RASGEF1A: variants seen among roughly 807,000 people sequenced by gnomAD.
The protein encoded by RASGEF1A is RasGEF domain family member 1A, also known as ras-GEF domain-containing family member 1A.
RASGEF1A carries 18 observed loss-of-function variants against 56.4 expected under a neutral mutation model. That is an observed-to-expected ratio of 0.32 (90% CI 0.22 to 0.47). The LOEUF (loss-of-function observed/expected upper bound fraction) is 0.47. Among genes scored for constraint, RASGEF1A ranks in the 20% least tolerant of loss-of-function variants. RASGEF1A has a pLI of 1.00. For synonymous variants in RASGEF1A, 245 were observed against 242.6 expected, an observed-to-expected ratio of 1.01 and a Z score of -0.09; for missense variants, 422 against 627.1, an observed-to-expected ratio of 0.67 and a Z score of 3.49.
intron 1 of RASGEF1A, among the ~76,000 whole-genome samples, chr10:43,258,488 T>G (rs1192264290): frequency 2.0e-5 from 3 of 152,188 alleles, no homozygotes; most frequent in African/African-American, 7.2e-5. Context: ...CATCTGCCAC[T>G]CTGCGCTTGA....
chr10:43,223,448 G>A (rs756421759), intron 1 of RASGEF1A, among the ~76,000 whole-genome samples: 14 of 152,140 alleles, frequency 9.2e-5, no homozygotes, highest in Non-Finnish European at 1.3e-4. Context: ...AACCTTTATA[G>A]GAAAACTCTG....
intron 1 of RASGEF1A, among the ~76,000 whole-genome samples, chr10:43,223,196 A>C (rs978787927): frequency 1.3e-5 from 2 of 152,202 alleles, no homozygotes; most frequent in African/African-American, 4.8e-5. Context: ...AACTGTGTCT[A>C]GAAACAGAAA....
At chr10:43,257,017 C>T (rs1836426435) in intron 1 of RASGEF1A, among the ~76,000 whole-genome samples, 1 of 152,144 alleles carries the variant, frequency 6.6e-6, no homozygotes. Flanking sequence ...TGTCTGCACT[C>T]CCAGAGTCTG....
chr10:43,223,272 A>G (rs1840232952), intron 1 of RASGEF1A, among the ~76,000 whole-genome samples: 1 of 152,230 alleles, frequency 6.6e-6, no homozygotes, highest in African/African-American at 2.4e-5. Context: ...GAAACCCAGT[A>G]AAGTCCCCAA....
chr10:43,240,061 C>T (rs1283988072), intron 1 of RASGEF1A, among the ~76,000 whole-genome samples: 2 of 152,218 alleles, frequency 1.3e-5, no homozygotes, highest in East Asian at 1.9e-4. Flanking sequence ...TAAGCACTCA[C>T]TTCTGGCTGA....
chr10:43,259,827 G>A (rs1836494496), intron 1 of RASGEF1A, among the ~76,000 whole-genome samples: 1 of 152,094 alleles, frequency 6.6e-6, no homozygotes, highest in Non-Finnish European at 1.5e-5. Context: ...CCCAAGGTGG[G>A]AGTGTGCATT....
chr10:43,263,232 G>A (rs887949267), intron 1 of RASGEF1A, among the ~76,000 whole-genome samples: 1 of 152,036 alleles, frequency 6.6e-6, no homozygotes, highest in African/African-American at 2.4e-5. Flanking sequence ...GAGAACCAGG[G>A]GCCGGCCAAG....
intron 1 of RASGEF1A, chr10:43,207,312 C>A (rs1840009308): frequency 1.0e-6 from 1 of 985,220 alleles, no homozygotes; most frequent in Non-Finnish European, 1.2e-6. Flanking sequence ...TACTTCAGTG[C>A]CATGACAGGA....
At chr10:43,258,302 C>G (rs1836462957) in intron 1 of RASGEF1A, among the ~76,000 whole-genome samples, 1 of 152,176 alleles carries the variant, frequency 6.6e-6, no homozygotes, top group Non-Finnish European at 1.5e-5. Context: ...GCGGGAGGAC[C>G]CCATGGCTGG....
chr10:43,196,240 C>T lies in RASGEF1A; in HGVS notation c.*4G>A, dbSNP rs111686790. ...TTCCTCTGGCGTCGCGGGCTGCATC[C>T]GCCTCAGGCTCTGTTCAGAAGGGTG... is the stretch of plus-strand genomic sequence containing the variant. On this transcript the variant is annotated 3_prime_UTR_variant, in exon 13 of 13. Transcript: ENST00000395810. This position sits in a 1 kb window ranked among gnomAD's most constrained non-coding sequence, Gnocchi z 4.6. 173 of 1,612,664 alleles carry T rather than the reference C, an allele frequency of 1.1e-4. No individual in the cohort carries two copies. The highest frequency in any genetic ancestry group is 1.3e-4 in the African/African-American group (10 of 74,910).
intron 1 of RASGEF1A, among the ~76,000 whole-genome samples, chr10:43,216,217 G>A (rs1007473963): frequency 3.3e-5 from 5 of 152,174 alleles, no homozygotes; most frequent in East Asian, 3.9e-4. Context: ...CCAGCACCCC[G>A]GGCACATCCC....
At chr10:43,239,191 G>T (rs924479794) in intron 1 of RASGEF1A, among the ~76,000 whole-genome samples, 1 of 152,176 alleles carries the variant, frequency 6.6e-6, no homozygotes, top group Admixed American at 6.5e-5. Flanking sequence ...AAGACACCAA[G>T]GTGCTTTACA....
intron 1 of RASGEF1A, among the ~76,000 whole-genome samples, chr10:43,238,232 T>C (rs1455568772): frequency 3.3e-5 from 5 of 151,992 alleles, no homozygotes; most frequent in Admixed American, 6.5e-5. Context: ...GGCTAGTTTA[T>C]GTGTGCCTAC....
rs2133189729 is a variant in RASGEF1A, at chr10:43,206,059, C to T, written c.58G>A (p.Val20Met). The change falls in exon 2 of 13, where the codon GTG becomes ATG. Residue 20 changes from valine (V) to methionine (M), a missense_variant. Around this residue, in one of 2 missense-constraint regions of RASGEF1A, gnomAD observed 273 missense variants for 339.9 expected, o/e 0.80. Transcript: ENST00000395810. ...SILGPSCSGQ[V>M]QPGMGERGGG... is the part of the protein sequence containing the mutation. ...CCACGCTCCCCCATGCCAGGCTGCA[C>T]CTGTCCGCTACAGCTGGGCCCAAGG... The T allele has an allele frequency of 1.2e-6, 2 of 1,607,632 alleles. No homozygotes were observed. Among genetic ancestry groups the T allele is most frequent in the South Asian group, 2.2e-5 (2 of 90,000 alleles).
intron 1 of RASGEF1A, among the ~76,000 whole-genome samples, chr10:43,213,616 T>C (rs1443267314): frequency 6.6e-6 from 1 of 152,122 alleles, no homozygotes; most frequent in Non-Finnish European, 1.5e-5. Flanking sequence ...TTCAAGGACG[T>C]TGGAGAGTTT....
intron 1 of RASGEF1A, among the ~76,000 whole-genome samples, chr10:43,206,476 C>A (rs1268182731): frequency 1.3e-5 from 2 of 152,212 alleles, no homozygotes; most frequent in Non-Finnish European, 2.9e-5. Flanking sequence ...GGGCTGTGAA[C>A]AACTGATGGG....
chr10:43,216,456 G>A (rs761829910), intron 1 of RASGEF1A, among the ~76,000 whole-genome samples: 4 of 152,236 alleles, frequency 2.6e-5, no homozygotes, highest in Non-Finnish European at 4.4e-5. Flanking sequence ...GGAGTCAGGC[G>A]CAATTTGTAA....
At chr10:43,214,347 G>T (rs1046680290) in intron 1 of RASGEF1A, among the ~76,000 whole-genome samples, 1 of 152,188 alleles carries the variant, frequency 6.6e-6, no homozygotes, top group African/African-American at 2.4e-5. Flanking sequence ...CAGTGATGAG[G>T]AGACCCAACA....
chr10:43,243,521 C>T (rs1173973061), intron 1 of RASGEF1A, among the ~76,000 whole-genome samples: 3 of 151,102 alleles, frequency 2.0e-5, no homozygotes, highest in South Asian at 2.1e-4. Flanking sequence ...TCTGCCCGGC[C>T]GCCCCGCCTG....
Sources: gnomAD v4.1 joint callset for allele counts (sites outside exome capture counted in the v4.1 genomes callset) on GRCh38, gnomAD v4.1.1 for gene constraint, gnomAD v4.1.1 regional missense constraint, Gnocchi (gnomAD v3.1) non-coding constraint, MANE v1.5 for transcripts, NCBI Gene and HGNC (gene_info 2026-07-23, HGNC 2026-07-21) for gene names.